SDK1: variants seen among roughly 807,000 people sequenced by gnomAD.
SDK1 encodes the protein sidekick cell adhesion molecule 1.
In SDK1, 157 loss-of-function variants were observed where a neutral mutation model predicts 245.5. That is an observed-to-expected ratio of 0.64 (90% CI 0.56 to 0.73). The LOEUF is 0.73. Among genes scored for constraint, SDK1 ranks in the 30% least tolerant of loss-of-function variants. The probability of loss-of-function intolerance (pLI) is 0.00; values close to 1 mark genes in which losing one functional copy is unlikely to be tolerated. For missense variants in SDK1, 3,583 were observed against 3,002.3 expected (o/e 1.19, Z -4.52); for synonymous variants, 1,647 against 1,278.5 (o/e 1.29, Z -6.15).
intron 19 of SDK1, among the ~76,000 whole-genome samples, chr7:4,054,264 G>C (rs1027958134): frequency 1.3e-5 from 2 of 152,130 alleles, no homozygotes; most frequent in African/African-American, 4.8e-5. Flanking sequence ...TTTTTATTGA[G>C]AGCATTACAG....
chr7:3,406,838 T>G (rs914670680), intron 1 of SDK1, among the ~76,000 whole-genome samples: 1 of 152,200 alleles, frequency 6.6e-6, no homozygotes, highest in Non-Finnish European at 1.5e-5. Flanking sequence ...ATTTAGGAAG[T>G]TAATTGAATC....
In SDK1 at chr7:4,074,856, T is replaced by TTCTC. The variant is rs1159856321; in HGVS notation, c.3011-2116_3011-2113dup. Among the ~76,000 whole-genome samples the TTCTC allele has an allele frequency of 4.8e-3, 344 of 72,330 alleles. 2 individuals are homozygous for TTCTC. The highest frequency in any genetic ancestry group is 8.3e-3 in the Middle Eastern group (1 of 120). The allele number at this position is 72,330 out of a possible 152,430, so 47.5% of individuals were successfully genotyped here. ...CCAGCCTGGGCAACAGAGCAAGACT[T>TTCTC]TCTCTCTCTCTCTCTCTCTCTCTCT... On this transcript the variant is annotated intron_variant, in intron 20 of 44. Transcript: ENST00000404826.
chr7:3,902,057 G>T (rs551498310), intron 5 of SDK1, among the ~76,000 whole-genome samples: 2 of 152,228 alleles, frequency 1.3e-5, no homozygotes, highest in East Asian at 3.9e-4. Context: ...CCCAGCCCTG[G>T]AATCAGCCAT....
intron 5 of SDK1, among the ~76,000 whole-genome samples, chr7:3,825,183 G>A (rs1192204218): frequency 6.6e-6 from 1 of 152,094 alleles, no homozygotes; most frequent in African/African-American, 2.4e-5. Flanking sequence ...TGTGTCTTCC[G>A]AGGTCAGACC....
At chr7:3,771,840 A>AC (rs771274184) in intron 4 of SDK1, among the ~76,000 whole-genome samples, 5 of 152,056 alleles carry the variant, frequency 3.3e-5, no homozygotes, top group African/African-American at 1.2e-4. Flanking sequence ...TACAACCATC[A>AC]CCCCCCATCC....
At chr7:3,564,989 G>T (rs1037769051) in intron 1 of SDK1, among the ~76,000 whole-genome samples, 3 of 151,990 alleles carry the variant, frequency 2.0e-5, no homozygotes, top group African/African-American at 7.3e-5. Flanking sequence ...TAATATAGGG[G>T]ATCAGGTACT....
intron 19 of SDK1, among the ~76,000 whole-genome samples, chr7:4,066,220 T>C (rs1779887881): frequency 6.6e-6 from 1 of 152,138 alleles, no homozygotes. Flanking sequence ...TCGCTATGTT[T>C]CTCCTGAACG....
intron 41 of SDK1, among the ~76,000 whole-genome samples, chr7:4,234,744 T>C (rs1786039354): frequency 6.6e-6 from 1 of 152,178 alleles, no homozygotes; most frequent in South Asian, 2.1e-4. Context: ...TGACTTTCTT[T>C]ACCCCGCGAT....
intron 28 of SDK1, among the ~76,000 whole-genome samples, chr7:4,139,278 G>A (rs1396773837): frequency 6.6e-6 from 1 of 152,122 alleles, no homozygotes; most frequent in Non-Finnish European, 1.5e-5. Flanking sequence ...TAGGGCCAAA[G>A]GTGATTTCAT....
At chr7:3,570,461 T>C (rs1337881054) in intron 1 of SDK1, among the ~76,000 whole-genome samples, 1 of 152,084 alleles carries the variant, frequency 6.6e-6, no homozygotes, top group East Asian at 1.9e-4. Context: ...TATGGACGGG[T>C]ACCCGTCCAC....
At chr7:3,765,219 G>T (rs1453368953) in intron 4 of SDK1, among the ~76,000 whole-genome samples, 1 of 152,060 alleles carries the variant, frequency 6.6e-6, no homozygotes, top group Admixed American at 6.5e-5. Context: ...TCAGGATAAT[G>T]TTTCTGAGAT....
At chr7:3,379,841 A>C (rs1781442618) in intron 1 of SDK1, among the ~76,000 whole-genome samples, 1 of 152,146 alleles carries the variant, frequency 6.6e-6, no homozygotes, top group African/African-American at 2.4e-5. Flanking sequence ...GCTCAAACTG[A>C]GTGCTCATTG....
intron 1 of SDK1, among the ~76,000 whole-genome samples, chr7:3,492,928 A>G (rs549433222): frequency 6.6e-6 from 1 of 152,284 alleles, no homozygotes; most frequent in South Asian, 2.1e-4. Flanking sequence ...TACTGTATTC[A>G]AAGAGAAGAT....
rs2128131079 is a variant in SDK1, at chr7:3,965,980, G to C, written c.1430-1338G>C. On this transcript the variant is annotated intron_variant, in intron 9 of 44. Coordinates refer to ENST00000404826, the MANE Select transcript of SDK1 (RefSeq NM_152744.4). ...AGCAGGGTGGCCATGACGGGCTGGA[G>C]GGTGGAGGGATAGGCAGGGGCAGAG... Among the ~76,000 whole-genome samples, 3 of 152,058 alleles carry C rather than the reference G, an allele frequency of 2.0e-5. No homozygotes were observed. In the South Asian group the frequency reaches 6.3e-4, roughly 32 times the overall value.
intron 41 of SDK1, among the ~76,000 whole-genome samples, chr7:4,233,881 C>T (rs16871150): frequency 0.053 from 8,022 of 152,202 alleles, 230 homozygotes; most frequent in Middle Eastern, 0.11. Context: ...CGCTGTGCAC[C>T]GGCAATTCCT....
chr7:3,641,876 CACTT>C lies in SDK1; in HGVS notation c.566-79_566-76del, dbSNP rs755194864. 4.8e-4 allele frequency: 561 copies of C among 1,161,016 alleles called. 2 individuals are homozygous for C. Among genetic ancestry groups the C allele is most frequent in the Non-Finnish European group, 6.3e-4 (502 of 799,866 alleles). The allele number at this position is 1,161,016 out of a possible 1,614,324, so 71.9% of individuals were successfully genotyped here. On this transcript the variant is annotated intron_variant, in intron 3 of 44. Coordinates refer to ENST00000404826, the MANE Select transcript of SDK1 (RefSeq NM_152744.4). ...GGCAGCATCAGTGACTTTACTGTAA[CACTT>C]ACCTGTTTCCATCTGTGACCCCTTC...
chr7:4,249,652 G>T (rs955424926), intron 44 of SDK1, among the ~76,000 whole-genome samples: 1 of 152,172 alleles, frequency 6.6e-6, no homozygotes, highest in African/African-American at 2.4e-5. Context: ...GTGCTCCCCA[G>T]GTTTTTGAGT....
chr7:3,811,965 G>C (rs567051012), intron 4 of SDK1, among the ~76,000 whole-genome samples: 1 of 152,148 alleles, frequency 6.6e-6, no homozygotes, highest in African/African-American at 2.4e-5. Flanking sequence ...CCTGTGTGGC[G>C]TATCTACTTT....
intron 1 of SDK1, among the ~76,000 whole-genome samples, chr7:3,430,932 G>A (rs111969994): frequency 0.017 from 2,543 of 152,218 alleles, 79 homozygotes; most frequent in African/African-American, 0.059. Flanking sequence ...ATGGAATCTC[G>A]CTCTGTTGCT....
Sources: gnomAD v4.1 joint callset for allele counts (sites outside exome capture counted in the v4.1 genomes callset) on GRCh38, gnomAD v4.1.1 for gene constraint, MANE v1.5 for transcripts, NCBI Gene and HGNC (gene_info 2026-07-23, HGNC 2026-07-21) for gene names.